USP9X: variants seen among roughly 807,000 people sequenced by gnomAD.
USP9X encodes the protein ubiquitin specific peptidase 9 X-linked, also known as ubiquitin carboxyl-terminal hydrolase 9X.
Under a neutral mutation model 190.3 loss-of-function variants are expected in USP9X, and 7 were observed. The observed-to-expected ratio is 0.04, with a 90% CI of 0.02 to 0.07. The LOEUF (loss-of-function observed/expected upper bound fraction) is 0.07, where lower values mean the gene tolerates loss of function less well. Among genes scored for constraint, USP9X ranks in the 10% least tolerant of loss-of-function variants. The pLI is 1.00. For missense variants in USP9X, 1,010 were observed against 1,916.9 expected, an observed-to-expected ratio of 0.53 and a Z score of 8.83; for synonymous variants, 645 against 659.5, an observed-to-expected ratio of 0.98 and a Z score of 0.34.
chrX:41,189,453 T>G lies in USP9X; in HGVS notation c.3955T>G (p.Leu1319Val), dbSNP rs1243922076. 1 of 1,209,621 alleles carries G rather than the reference T, an allele frequency of 8.3e-7. No individual in the cohort carries two copies. ...GGCTTGGCAGACATTCATCATTGAC[T>G]TACTATTGCACTGTCACAGCAAGTA... ...EKAWQTFIID[L>V]LLHCHSKTVR... The change falls in exon 26 of 45, where the codon TTA becomes GTA. Residue 1319 changes from leucine (L) to valine (V), a missense_variant. Around this residue, in one of 11 missense-constraint regions of USP9X, gnomAD observed 351 missense variants for 480.8 expected, o/e 0.73. Transcript: ENST00000378308.
intron 1 of USP9X, among the ~76,000 whole-genome samples, chrX:41,086,771 A>G (rs914795165): frequency 8.9e-6 from 1 of 112,702 alleles, no homozygotes; most frequent in East Asian, 2.8e-4. Flanking sequence ...TTTTGAATGC[A>G]GAAATCGCTT....
chrX:41,132,154 A>G (rs1019144901), intron 4 of USP9X, among the ~76,000 whole-genome samples: 2 of 110,960 alleles, frequency 1.8e-5, no homozygotes, highest in Admixed American at 9.6e-5. Context: ...CATATTTGTA[A>G]GATAGGGTCT....
At chrX:41,217,104 C>A in intron 35 of USP9X, 116 bp from the exon 36 acceptor site, 1 of 815,398 alleles carries the variant, frequency 1.2e-6, no homozygotes, top group Admixed American at 3.6e-5. Context: ...ATTAAAGTAG[C>A]CTGAGAAGGG....
intron 13 of USP9X, 106 bp downstream of exon 13, chrX:41,151,163 G>C (rs1280505021): frequency 2.5e-6 from 2 of 784,518 alleles, no homozygotes; most frequent in Non-Finnish European, 3.5e-6. Flanking sequence ...TTAGTGGAGT[G>C]AGAAGAGGCT....
chrX:41,099,794 C>G (rs994612553), intron 1 of USP9X, among the ~76,000 whole-genome samples: 7 of 111,463 alleles, frequency 6.3e-5, no homozygotes, highest in African/African-American at 2.3e-4. Flanking sequence ...GTCAGGAGAT[C>G]GAGACCATCC....
chrX:41,102,197 A>G (rs2062039178), intron 1 of USP9X, among the ~76,000 whole-genome samples: 2 of 112,311 alleles, frequency 1.8e-5, no homozygotes, highest in Non-Finnish European at 3.8e-5. Context: ...ATTTATAATG[A>G]TAATCTCATT....
Position 41,196,597 on chromosome X carries a change from A to C in USP9X, c.4092A>C (p.Thr1364=). 1 of 1,207,859 alleles carries C rather than the reference A, an allele frequency of 8.3e-7. No homozygotes were observed. Among genetic ancestry groups the C allele is most frequent in the Non-Finnish European group, 1.1e-6 (1 of 894,319 alleles). ...TTATTCTACTCTGTTTCCAGAGCACAGCAAGAGAGAGAGCTAAACACTCAG... is the reference window on the plus strand; with the variant it reads ...TTATTCTACTCTGTTTCCAGAGCACCGCAAGAGAGAGAGCTAAACACTCAG... The part of the protein sequence containing the change: ...ITLLFTVLGS[T]ARERAKHSGD... Residue 1364 remains threonine (T), a synonymous_variant, in exon 28 of 45, where the codon ACA becomes ACC. Transcript: ENST00000378308.
chrX:41,118,415 A>G (rs1315581739), intron 1 of USP9X, among the ~76,000 whole-genome samples: 2 of 111,854 alleles, frequency 1.8e-5, no homozygotes, highest in African/African-American at 6.5e-5. Flanking sequence ...TTCACTTAGC[A>G]TGATGTCCTC....
chrX:41,169,940 C>A, intron 18 of USP9X, 55 bp from the exon 19 acceptor site: 2 of 1,187,698 alleles, frequency 1.7e-6, no homozygotes, highest in African/African-American at 3.5e-5. Flanking sequence ...TTCTTGGCAA[C>A]AAAATTTCAG....
chrX:41,135,049 G>T (rs1218266113), intron 5 of USP9X, among the ~76,000 whole-genome samples: 1 of 111,782 alleles, frequency 8.9e-6, no homozygotes, highest in Non-Finnish European at 1.9e-5. Context: ...GTTAAGCTTG[G>T]GTTTAATCTC....
At chrX:41,115,629 TC>T (rs1380177431) in intron 1 of USP9X, among the ~76,000 whole-genome samples, 10 of 112,306 alleles carry the variant, frequency 8.9e-5, no homozygotes, top group African/African-American at 2.6e-4. Flanking sequence ...TCTGTAATGT[TC>T]CACAAAAGCA....
In USP9X at chrX:41,211,722, C is replaced by T. The variant is rs753144221; in HGVS notation, c.5189+1040C>T. Among the ~76,000 whole-genome samples the T allele has an allele frequency of 2.6e-3, 266 of 102,581 alleles. 1 individual carries two copies. The highest frequency in any genetic ancestry group is 9.2e-3 in the African/African-American group (254 of 27,571). The allele number at this position is 102,581 out of a possible 115,157, so 89.1% of individuals were successfully genotyped here. The stretch of plus-strand genomic sequence containing the variant: ...TCCGGGAGGGAGGTAGGGGGGTCAG[C>T]CCCCCGCCCAGCCAGCTGCCCCATC... On this transcript the variant is annotated intron_variant, in intron 33 of 44. Transcript: ENST00000378308.
chrX:41,170,277 C>A, intron 19 of USP9X, 42 bp downstream of exon 19: 1 of 1,163,865 alleles, frequency 8.6e-7, no homozygotes, highest in East Asian at 3.0e-5. Flanking sequence ...AAAATCAAAC[C>A]AGAGACTATC....
intron 16 of USP9X, chrX:41,167,151 T>C (rs906347415): frequency 4.9e-5 from 9 of 184,216 alleles, no homozygotes; most frequent in Admixed American, 4.2e-4. Flanking sequence ...TAATCTCTTA[T>C]TTCCTGTCAA....
intron 2 of USP9X, among the ~76,000 whole-genome samples, chrX:41,125,266 G>A (rs2062226752): frequency 9.1e-6 from 1 of 109,578 alleles, no homozygotes; most frequent in Admixed American, 9.8e-5. Flanking sequence ...AGTAGAGATG[G>A]GATTTCACCA....
chrX:41,202,724 G>GA (rs1223096762), intron 31 of USP9X, among the ~76,000 whole-genome samples: 2 of 111,477 alleles, frequency 1.8e-5, no homozygotes, highest in Non-Finnish European at 3.8e-5. Flanking sequence ...ACTGCTCTGG[G>GA]AAAAAAATGT....
At position 41,210,604 on chromosome X, in the gene USP9X, T is replaced by C. The variant is rs2147230164; in HGVS notation, c.5111T>C (p.Leu1704Ser). Residue 1704 changes from leucine to serine, a missense_variant, in exon 33 of 45, where the codon TTA (leucine) becomes TCA (serine). By Grantham distance (145) the Leu-to-Ser change is moderately radical. Coordinates refer to ENST00000378308, the MANE Select transcript of USP9X (RefSeq NM_001039591.3). The part of the protein sequence containing the change: ...VDSLDEALKA[L>S]GHPAMLSKVL... ...AGTTTAGATGAAGCTTTAAAAGCTTTAGGACATCCAGCTATGCTAAGTAAA... is the reference window on the plus strand; with the variant it reads ...AGTTTAGATGAAGCTTTAAAAGCTTCAGGACATCCAGCTATGCTAAGTAAA... 13 of 1,211,485 alleles carry C rather than the reference T, an allele frequency of 1.1e-5. No individual in the cohort carries two copies. The highest frequency in any genetic ancestry group is 1.5e-5 in the Non-Finnish European group (13 of 895,483).
intron 1 of USP9X, among the ~76,000 whole-genome samples, chrX:41,108,402 C>G (rs772001650): frequency 1.7e-4 from 19 of 111,581 alleles, no homozygotes; most frequent in Non-Finnish European, 3.6e-4. Flanking sequence ...GTTAAATTCT[C>G]ATGCTTTCCA....
Position 41,143,397 on chromosome X carries a change from A to G in USP9X, c.1268A>G (p.Glu423Gly). The change falls in exon 10 of 45, where the codon GAA becomes GGA. Residue 423 changes from glutamate to glycine, a missense_variant. Coordinates refer to ENST00000378308, the MANE Select transcript of USP9X (RefSeq NM_001039591.3). ...AAGATTCTTCGTTTTGTCATCAAAG[A>G]AAAAGCTCTGACCTTACAGGATCTT... ...LEKILRFVIK[E>G]KALTLQDLDN... The G allele has an allele frequency of 1.7e-6, 2 of 1,208,206 alleles. No individual in the cohort carries two copies. The highest frequency in any genetic ancestry group is 2.2e-6 in the Non-Finnish European group (2 of 893,504).
Sources: allele counts gnomAD v4.1 joint callset (sites outside exome capture counted in the v4.1 genomes callset), GRCh38; gene constraint gnomAD v4.1.1; regional missense constraint gnomAD v4.1.1; transcripts MANE v1.5; gene names NCBI Gene and HGNC (gene_info 2026-07-23, HGNC 2026-07-21).